UBQLN2: variants seen among roughly 807,000 people sequenced by gnomAD.
UBQLN2 encodes the protein ubiquilin-2.
In UBQLN2, 2 loss-of-function variants were observed where a neutral mutation model predicts 22.2. That is an observed-to-expected ratio of 0.09 (90% CI 0.04 to 0.28). UBQLN2 has a LOEUF of 0.28. UBQLN2 is among the 10% of genes least tolerant of loss of function. The pLI, the probability that UBQLN2 is intolerant of heterozygous loss-of-function variation, is 1.00. For missense variants in UBQLN2, 446 were observed against 505.1 expected, an observed-to-expected ratio of 0.88 and a Z score of 1.12; for synonymous variants, 252 against 206.7, an observed-to-expected ratio of 1.22 and a Z score of -1.88.
At position 56,565,768 on chromosome X, in the gene UBQLN2, A is replaced by G. The variant is rs1260866700; in HGVS notation, c.*20A>G. On this transcript the variant is annotated 3_prime_UTR_variant, in exon 1 of 1. Coordinates refer to ENST00000338222, the MANE Select transcript of UBQLN2 (RefSeq NM_013444.4). The stretch of plus-strand genomic sequence containing the variant: ...TCGTAATCACATTTCTGTACCTGGA[A>G]AAAAAATGTATCTTATTTTTGATAA... 4 of 1,162,367 alleles carry G rather than the reference A, an allele frequency of 3.4e-6. No homozygotes were observed. The highest frequency in any genetic ancestry group is 4.7e-6 in the Non-Finnish European group (4 of 859,910).
In UBQLN2 at chrX:56,563,885, T is replaced by G; in HGVS notation, c.12T>G (p.Asn4Lys). Residue 4 changes from asparagine to lysine, a missense_variant, in exon 1 of 1, where the codon AAT becomes AAG. Physicochemically the swap from Asn to Lys is moderately conservative, Grantham distance 94 (BLOSUM62 0). This residue lies in a region of UBQLN2 where 39 missense variants were observed against 27.6 expected (regional missense o/e 1.41). Transcript: ENST00000338222. MAENGESSGPPRPS... is the reference protein window; with the variant it reads MAEKGESSGPPRPS... ...TCACCGCGGCCGCCATGGCTGAGAA[T>G]GGCGAGAGCAGCGGCCCCCCGCGCC... is the stretch of plus-strand genomic sequence containing the variant. The G allele has an allele frequency of 8.7e-7, 1 of 1,151,567 alleles. No individual in the cohort carries two copies. Among genetic ancestry groups the G allele is most frequent in the Non-Finnish European group, 1.2e-6 (1 of 866,372 alleles). The allele number at this position is 1,151,567 out of a possible 1,213,427, so 94.9% of individuals were successfully genotyped here.
At position 56,564,231 on chromosome X, in the gene UBQLN2, G is replaced by A; in HGVS notation, c.358G>A (p.Gly120Arg). The change falls in exon 1 of 1, where the codon GGA (glycine) becomes AGA (arginine). Residue 120 changes from glycine to arginine, a missense_variant. This residue lies in a region of UBQLN2 where 129 missense variants were observed against 198.1 expected (regional missense o/e 0.65). Transcript: ENST00000338222. ...GTCCACGCAGCCTAGCAATGCCGCGGGAACTAACACTACCTCGGCGTCGAC... is the reference window on the plus strand; with the variant it reads ...GTCCACGCAGCCTAGCAATGCCGCGAGAACTAACACTACCTCGGCGTCGAC... ...GQSTQPSNAAGTNTTSASTPR... is the reference protein window; with the variant it reads ...GQSTQPSNAARTNTTSASTPR... 8.3e-7 allele frequency: 1 copy of A among 1,211,341 alleles called. No homozygotes were observed. Among genetic ancestry groups the A allele is most frequent in the South Asian group, 1.8e-5 (1 of 56,962 alleles).
Position 56,563,721 on chromosome X carries a change from C to G in UBQLN2, c.-153C>G, listed in dbSNP as rs1197028476. On this transcript the variant is annotated 5_prime_UTR_variant, in exon 1 of 1. Coordinates refer to ENST00000338222, the MANE Select transcript of UBQLN2 (RefSeq NM_013444.4). ...CTTTCTCCACCGGAGGACCAGGGAA[C>G]CGCAGTCTTCATCACAGAGGTACCG... 7.1e-6 allele frequency: 3 copies of G among 425,498 alleles called. No individual in the cohort carries two copies. Among genetic ancestry groups the G allele is most frequent in the Non-Finnish European group, 1.2e-5 (3 of 253,961 alleles). 35.1% of individuals were successfully genotyped at this position (425,498 alleles called of 1,213,427 possible). A position where few individuals can be genotyped will look rare whatever the true frequency, so the allele number is the denominator to read the frequency against.
At position 56,563,718 on chromosome X, in the gene UBQLN2, G is replaced by A; in HGVS notation, c.-156G>A. On this transcript the variant is annotated 5_prime_UTR_variant, in exon 1 of 1. Transcript: ENST00000338222. ...GGCCTTTCTCCACCGGAGGACCAGG[G>A]AACCGCAGTCTTCATCACAGAGGTA... 10 of 416,354 alleles carry A rather than the reference G, an allele frequency of 2.4e-5. No individual in the cohort carries two copies. The South Asian group carries it at 4.6e-4, about 19-fold the overall frequency. 34.3% of individuals were successfully genotyped at this position (416,354 alleles called of 1,213,427 possible).
Position 56,565,705 on chromosome X carries a change from T to A in UBQLN2, c.1832T>A (p.Ile611Asn). Residue 611 changes from isoleucine (I) to asparagine (N), a missense_variant, in exon 1 of 1, where the codon ATC (isoleucine) becomes AAC (asparagine). Physicochemically the swap from Ile to Asn is moderately radical, Grantham distance 149. Coordinates refer to ENST00000338222, the MANE Select transcript of UBQLN2 (RefSeq NM_013444.4). ...LQALIATGGD[I>N]NAAIERLLGS... ...GCCCTAATAGCAACAGGAGGCGACA[T>A]CAATGCAGCCATTGAAAGGCTGCTG... The A allele has an allele frequency of 8.3e-7, 1 of 1,211,163 alleles. No individual in the cohort carries two copies. The highest frequency in any genetic ancestry group is 1.1e-6 in the Non-Finnish European group (1 of 895,072).
At position 56,565,770 on chromosome X, in the gene UBQLN2, A is replaced by G. The variant is rs747219121; in HGVS notation, c.*22A>G. The G allele has an allele frequency of 2.6e-6, 3 of 1,161,134 alleles. No individual in the cohort carries two copies. In the Admixed American group the frequency reaches 7.2e-5, roughly 28 times the overall value. ...GTAATCACATTTCTGTACCTGGAAA[A>G]AAAATGTATCTTATTTTTGATAATG... On this transcript the variant is annotated 3_prime_UTR_variant, in exon 1 of 1. Coordinates refer to ENST00000338222, the MANE Select transcript of UBQLN2 (RefSeq NM_013444.4).
In UBQLN2 at chrX:56,564,909, TCCAGCA is replaced by T; in HGVS notation, c.1037_1042del (p.Ser346_Asn348delinsTyr). 8.3e-7 allele frequency: 1 copy of T among 1,210,755 alleles called. No homozygotes were observed. On this transcript the variant is annotated inframe_deletion, in exon 1 of 1. Transcript: ENST00000338222. Reference sequence around the variant, plus strand: ...CACTGGTAGTGGGTCTGGCAATAGTTCCAGCAATGCTACTGGGAACACCGTTGCTGC... The same window carrying T: ...CACTGGTAGTGGGTCTGGCAATAGTTATGCTACTGGGAACACCGTTGCTGC...
rs1241769548 is a variant in UBQLN2 at position 56,566,590 on chromosome X, CTAAG to C, written c.*845_*848del. The C allele has an allele frequency of 8.1e-6, 1 of 123,504 alleles. No homozygotes were observed. The highest frequency in any genetic ancestry group is 2.8e-4 in the East Asian group (1 of 3,606). The allele number at this position is 123,504 out of a possible 1,213,427, so 10.2% of individuals were successfully genotyped here. A position where few individuals can be genotyped will look rare whatever the true frequency, so the allele number is the denominator to read the frequency against. On this transcript the variant is annotated 3_prime_UTR_variant, in exon 1 of 1. Coordinates refer to ENST00000338222, the MANE Select transcript of UBQLN2 (RefSeq NM_013444.4). ...AGTAGAAATGTTTATCCTGGTATCT[CTAAG>C]TATACATTTAATTGTACAGAAAATT...
chrX:56,564,926 G>C lies in UBQLN2; in HGVS notation c.1053G>C (p.Gly351=). 1 of 1,210,824 alleles carries C rather than the reference G, an allele frequency of 8.3e-7. No homozygotes were observed. Among genetic ancestry groups the C allele is most frequent in the Non-Finnish European group, 1.1e-6 (1 of 895,008 alleles). Residue 351 remains glycine, a synonymous_variant, in exon 1 of 1, where the codon GGG becomes GGC. Transcript: ENST00000338222. The part of the protein sequence containing the change: ...GSGNSSSNAT[G]NTVAAANYVA... ...GCAATAGTTCCAGCAATGCTACTGG[G>C]AACACCGTTGCTGCCGCTAATTATG... is the stretch of plus-strand genomic sequence containing the variant.
rs1317265713 is a variant in UBQLN2, at chrX:56,563,926, C to T, written c.53C>T (p.Ala18Val). The T allele has an allele frequency of 1.6e-5, 19 of 1,158,208 alleles. No homozygotes were observed. The highest frequency in any genetic ancestry group is 5.3e-4 in the Middle Eastern group (2 of 3,799). Residue 18 changes from alanine to valine, a missense_variant, in exon 1 of 1, where the codon GCT becomes GTT. By Grantham distance (64) the Ala-to-Val change is moderately conservative. Transcript: ENST00000338222. The part of the protein sequence containing the change: ...SGPPRPSRGP[A>V]AAQGSAAAPA... ...CCCCCGCGCCCCTCCCGCGGCCCTGCTGCGGCCCAAGGCTCGGCTGCTGCC... is the reference window on the plus strand; with the variant it reads ...CCCCCGCGCCCCTCCCGCGGCCCTGTTGCGGCCCAAGGCTCGGCTGCTGCC...
rs1179224966 is a variant in UBQLN2, at chrX:56,565,154, G to T, written c.1281G>T (p.Arg427=). 3 of 1,210,420 alleles carry T rather than the reference G, an allele frequency of 2.5e-6. No homozygotes were observed. The highest frequency in any genetic ancestry group is 4.4e-5 in the Admixed American group (2 of 45,914). The part of the protein sequence containing the change: ...TANPQLQEQM[R]PQLPAFLQQM... ...ATCCTCAGCTGCAGGAGCAGATGCG[G>T]CCACAGCTCCCAGCCTTCCTGCAGC... Residue 427 remains arginine (R), a synonymous_variant, in exon 1 of 1, where the codon CGG becomes CGT. Coordinates refer to ENST00000338222, the MANE Select transcript of UBQLN2 (RefSeq NM_013444.4).
rs1183161200 is a variant in UBQLN2, at chrX:56,564,658, C to G, written c.785C>G (p.Pro262Arg). ...GCTCTTAGCAATCTAGAAAGCATCC[C>G]AGGTGGCTATAATGCTTTACGGCGC... ...DLALSNLESIPGGYNALRRMY... is the reference protein window; with the variant it reads ...DLALSNLESIRGGYNALRRMY... Residue 262 changes from proline to arginine, a missense_variant, in exon 1 of 1, where the codon CCA becomes CGA. By Grantham distance (103) the Pro-to-Arg change is moderately radical (BLOSUM62 -2). This residue lies in a region of UBQLN2 where 129 missense variants were observed against 198.1 expected (regional missense o/e 0.65). Coordinates refer to ENST00000338222, the MANE Select transcript of UBQLN2 (RefSeq NM_013444.4). The G allele has an allele frequency of 2.5e-6, 3 of 1,208,353 alleles. No individual in the cohort carries two copies. The highest frequency in any genetic ancestry group is 2.2e-5 in the Admixed American group (1 of 45,773).
Position 56,567,286 on chromosome X carries a change from C to A in UBQLN2, c.*1538C>A, listed in dbSNP as rs150504633. 1,082 of 123,250 alleles carry A rather than the reference C, an allele frequency of 8.8e-3. 7 individuals are homozygous for A. The highest frequency in any genetic ancestry group is 0.017 in the Non-Finnish European group (878 of 53,135). The allele number at this position is 123,250 out of a possible 1,213,427, so 10.2% of individuals were successfully genotyped here. ...ATGAGTTAGAAATGGGACTTTGTAT[C>A]TTTTAATGTGAGACCTCCTCTTGAT... On this transcript the variant is annotated 3_prime_UTR_variant, in exon 1 of 1. Coordinates refer to ENST00000338222, the MANE Select transcript of UBQLN2 (RefSeq NM_013444.4).
chrX:56,564,235 C>A lies in UBQLN2; in HGVS notation c.362C>A (p.Thr121Asn). ...QSTQPSNAAG[T>N]NTTSASTPRS... ...ACGCAGCCTAGCAATGCCGCGGGAA[C>A]TAACACTACCTCGGCGTCGACTCCC... Residue 121 changes from threonine (T) to asparagine (N), a missense_variant, in exon 1 of 1, where the codon ACT becomes AAT. This residue lies in a region of UBQLN2 where 129 missense variants were observed against 198.1 expected (regional missense o/e 0.65). Coordinates refer to ENST00000338222, the MANE Select transcript of UBQLN2 (RefSeq NM_013444.4). 2 of 1,211,268 alleles carry A rather than the reference C, an allele frequency of 1.7e-6. No homozygotes were observed. The highest frequency in any genetic ancestry group is 1.7e-5 in the African/African-American group (1 of 57,614).
rs752202708 is a variant in UBQLN2, at chrX:56,565,351, G to A, written c.1478G>A (p.Gly493Asp). ...GVLGTAIGPV[G>D]PVTPIGPIGP... ...CTGGGAACCGCTATAGGCCCTGTAG[G>A]CCCAGTCACCCCCATAGGCCCCATA... Residue 493 changes from glycine to aspartate, a missense_variant, in exon 1 of 1, where the codon GGC (glycine) becomes GAC (aspartate). Coordinates refer to ENST00000338222, the MANE Select transcript of UBQLN2 (RefSeq NM_013444.4). The A allele has an allele frequency of 3.3e-6, 4 of 1,206,018 alleles. No individual in the cohort carries two copies. Among genetic ancestry groups the A allele is most frequent in the Non-Finnish European group, 4.5e-6 (4 of 892,902 alleles).
rs748548734 is a variant in UBQLN2, at chrX:56,564,735, G to A, written c.862G>A (p.Gly288Arg). The A allele has an allele frequency of 8.3e-7, 1 of 1,209,535 alleles. No homozygotes were observed. The highest frequency in any genetic ancestry group is 1.8e-5 in the African/African-American group (1 of 56,962). ...GCTGAATGCCGCACAAGAGCAGTTT[G>A]GGGGTAATCCATTTGCCTCCGTGGG... ...PMLNAAQEQF[G>R]GNPFASVGSS... Residue 288 changes from glycine to arginine, a missense_variant, in exon 1 of 1, where the codon GGG becomes AGG. Physicochemically the swap from Gly to Arg is moderately radical, Grantham distance 125. Coordinates refer to ENST00000338222, the MANE Select transcript of UBQLN2 (RefSeq NM_013444.4).
chrX:56,564,707 G>C lies in UBQLN2; in HGVS notation c.834G>C (p.Pro278=), dbSNP rs760468349. 1.1e-5 allele frequency: 13 copies of C among 1,209,707 alleles called. No homozygotes were observed. The East Asian group carries it at 3.9e-4, about 36-fold the overall frequency. Residue 278 remains proline, a synonymous_variant, in exon 1 of 1, where the codon CCG becomes CCC. Transcript: ENST00000338222. ...LRRMYTDIQE[P]MLNAAQEQFG... ...GCATGTACACTGACATTCAAGAGCCGATGCTGAATGCCGCACAAGAGCAGT... is the reference window on the plus strand; with the variant it reads ...GCATGTACACTGACATTCAAGAGCCCATGCTGAATGCCGCACAAGAGCAGT...
At position 56,565,067 on chromosome X, in the gene UBQLN2, G is replaced by C; in HGVS notation, c.1194G>C (p.Ser398=). 1.7e-6 allele frequency: 2 copies of C among 1,211,743 alleles called. No individual in the cohort carries two copies. Among genetic ancestry groups the C allele is most frequent in the South Asian group, 3.5e-5 (2 of 56,967 alleles). ...CCTACATGAGAAGCATGATGCAGTC[G>C]CTGAGCCAGAATCCAGATTTGGCTG... ...SAPYMRSMMQ[S]LSQNPDLAAQ... is the part of the protein sequence containing the mutation. The change falls in exon 1 of 1, where the codon TCG becomes TCC. Residue 398 remains serine (S), a synonymous_variant. Coordinates refer to ENST00000338222, the MANE Select transcript of UBQLN2 (RefSeq NM_013444.4).
In UBQLN2 at chrX:56,563,802, T is replaced by A. The variant is rs905365444; in HGVS notation, c.-72T>A. The A allele has an allele frequency of 3.4e-6, 3 of 880,230 alleles. No individual in the cohort carries two copies. The highest frequency in any genetic ancestry group is 4.7e-6 in the Non-Finnish European group (3 of 632,674). The allele number at this position is 880,230 out of a possible 1,213,427, so 72.5% of individuals were successfully genotyped here. ...GCCCGCTGCGGCGGTGCCTCCTTCC[T>A]TCCTCCTTCCCTCGCGCTCTCTCTT... is the stretch of plus-strand genomic sequence containing the variant. On this transcript the variant is annotated 5_prime_UTR_variant, in exon 1 of 1. Transcript: ENST00000338222.
Sources: gnomAD v4.1 joint callset for allele counts on GRCh38, gnomAD v4.1.1 for gene constraint, gnomAD v4.1.1 regional missense constraint, MANE v1.5 for transcripts, NCBI Gene and HGNC (gene_info 2026-07-23, HGNC 2026-07-21) for gene names.